The following CRACR2A variants were observed in gnomAD, a reference collection of about 807,000 sequenced individuals.
The protein encoded by CRACR2A is calcium release activated channel regulator 2A.
In CRACR2A, 79 loss-of-function variants were observed where a neutral mutation model predicts 90.5. The ratio of observed to expected loss-of-function variants is 0.87; its 90% confidence interval spans 0.73 to 1.05. The LOEUF is 1.05. Among genes scored for constraint, CRACR2A ranks in the 50% least tolerant of loss-of-function variants. CRACR2A has a pLI of 0.00. For synonymous variants in CRACR2A, 338 were observed against 356.7 expected (o/e 0.95, Z 0.59); for missense variants, 823 against 897.2 (o/e 0.92, Z 1.06).
chr12:3,666,786 C>G (rs1945159356), intron 7 of CRACR2A, among the ~76,000 whole-genome samples: 1 of 152,252 alleles, frequency 6.6e-6, no homozygotes, highest in African/African-American at 2.4e-5. Flanking sequence ...TTTGTCCTCC[C>G]TTTTAAATAA....
chr12:3,619,272 G>C lies in CRACR2A; in HGVS notation c.2033C>G (p.Thr678Arg), dbSNP rs748462070. Residue 678 changes from threonine to arginine, a missense_variant and splice_region_variant, in exon 18 of 20, where the codon ACG becomes AGG. Physicochemically the swap from Thr to Arg is moderately conservative, Grantham distance 71 (BLOSUM62 -1). Coordinates refer to ENST00000440314, the MANE Select transcript of CRACR2A (RefSeq NM_001144958.2). ...GAGATGGAAATGCTTGCTCTTTACC[G>C]TGGCAAGCTGCTCTCCGAGGCCCCG... is the stretch of plus-strand genomic sequence containing the variant. ...VPRGLGEQLA[T>R]ENNLIFYECS... 2 of 1,550,492 alleles carry C rather than the reference G, an allele frequency of 1.3e-6. No homozygotes were observed. Among genetic ancestry groups the C allele is most frequent in the Non-Finnish European group, 1.7e-6 (2 of 1,145,992 alleles).
chr12:3,682,374 A>G (rs1197175219), intron 4 of CRACR2A, among the ~76,000 whole-genome samples: 2 of 152,194 alleles, frequency 1.3e-5, no homozygotes, highest in African/African-American at 4.8e-5. Context: ...AGGAGAGGCT[A>G]GTTCACAGCT....
At chr12:3,657,716 C>T (rs1944940928) in intron 8 of CRACR2A, among the ~76,000 whole-genome samples, 1 of 152,308 alleles carries the variant, frequency 6.6e-6, no homozygotes, top group African/African-American at 2.4e-5. Context: ...TTGGCTGCTG[C>T]TCTCTGTGAA....
At chr12:3,639,806 C>T (rs988606120) in intron 13 of CRACR2A, among the ~76,000 whole-genome samples, 1 of 152,036 alleles carries the variant, frequency 6.6e-6, no homozygotes, top group Non-Finnish European at 1.5e-5. Context: ...AATTAAAGCA[C>T]CTTTCCTTTG....
intron 2 of CRACR2A, among the ~76,000 whole-genome samples, chr12:3,721,607 G>A (rs1946177400): frequency 6.8e-6 from 1 of 146,814 alleles, no homozygotes; most frequent in Non-Finnish European, 1.5e-5. Flanking sequence ...AAAAAAGTGA[G>A]TGAAACGTTA....
At chr12:3,623,645 G>C (rs906499846) in intron 17 of CRACR2A, among the ~76,000 whole-genome samples, 95 of 152,202 alleles carry the variant, frequency 6.2e-4, no homozygotes, top group African/African-American at 2.2e-3. Context: ...ATAAGAAATT[G>C]GGGGTGGGTT....
chr12:3,739,852 T>C (rs1197653442), intron 1 of CRACR2A, among the ~76,000 whole-genome samples: 1 of 151,246 alleles, frequency 6.6e-6, no homozygotes, highest in Non-Finnish European at 1.5e-5. Context: ...GAGAATCGCT[T>C]GAACCAGGGA....
intron 8 of CRACR2A, among the ~76,000 whole-genome samples, chr12:3,658,577 G>C (rs1457056667): frequency 6.6e-6 from 1 of 152,194 alleles, no homozygotes; most frequent in African/African-American, 2.4e-5. Context: ...GACACGACCA[G>C]ATTTTCTTGA....
chr12:3,687,553 T>G (rs1945582293), intron 4 of CRACR2A, among the ~76,000 whole-genome samples: 1 of 152,242 alleles, frequency 6.6e-6, no homozygotes, highest in Non-Finnish European at 1.5e-5. Flanking sequence ...CTGCATAGTA[T>G]TCCATGGTGT....
chr12:3,748,780 A>C (rs574525713), intron 1 of CRACR2A, among the ~76,000 whole-genome samples: 20 of 152,344 alleles, frequency 1.3e-4, no homozygotes, highest in Admixed American at 2.6e-4. Flanking sequence ...GAGCCTGTAG[A>C]GGACAAACCT....
intron 17 of CRACR2A, among the ~76,000 whole-genome samples, chr12:3,626,413 G>A (rs1401756508): frequency 6.6e-6 from 1 of 152,242 alleles, no homozygotes; most frequent in Non-Finnish European, 1.5e-5. Context: ...AGGCAGCACG[G>A]AGTCCAGTGG....
chr12:3,661,906 C>T (rs188592888), intron 7 of CRACR2A, among the ~76,000 whole-genome samples: 2 of 152,196 alleles, frequency 1.3e-5, no homozygotes, highest in Non-Finnish European at 2.9e-5. Context: ...TTCTAATAAC[C>T]ATGCGGGGCA....
intron 4 of CRACR2A, among the ~76,000 whole-genome samples, chr12:3,681,634 G>T (rs1330815147): frequency 6.6e-6 from 1 of 152,230 alleles, no homozygotes; most frequent in Non-Finnish European, 1.5e-5. Context: ...AGCGGTAACC[G>T]TGCGAAATTG....
chr12:3,625,644 C>G (rs1353182669), intron 17 of CRACR2A, among the ~76,000 whole-genome samples: 1 of 148,650 alleles, frequency 6.7e-6, no homozygotes, highest in Non-Finnish European at 1.5e-5. Flanking sequence ...AAGGGAAACT[C>G]TTTTGTCTAA....
chr12:3,641,084 A>G (rs1302139870), intron 13 of CRACR2A, among the ~76,000 whole-genome samples: 1 of 152,134 alleles, frequency 6.6e-6, no homozygotes, highest in Non-Finnish European at 1.5e-5. Flanking sequence ...GGTGGCTCAC[A>G]CCTGTAATCC....
At chr12:3,706,652 G>A (rs1284086769) in intron 3 of CRACR2A, among the ~76,000 whole-genome samples, 1 of 152,220 alleles carries the variant, frequency 6.6e-6, no homozygotes, top group Non-Finnish European at 1.5e-5. Context: ...CCGGGCTGAA[G>A]TGCAGTGGCA....
chr12:3,616,705 G>A (rs570360198), intron 19 of CRACR2A, among the ~76,000 whole-genome samples: 1 of 152,346 alleles, frequency 6.6e-6, no homozygotes, highest in Non-Finnish European at 1.5e-5. Flanking sequence ...AGACTAAGAA[G>A]AAGACTGCAA....
chr12:3,672,581 A>G (rs1945264601), intron 7 of CRACR2A: 2 of 208,014 alleles, frequency 9.6e-6, no homozygotes, highest in Admixed American at 6.5e-5. Flanking sequence ...CCCTAGTCAT[A>G]CCACATCTAA....
chr12:3,722,090 ACATTT>A (rs1341312593), intron 2 of CRACR2A, among the ~76,000 whole-genome samples: 2 of 152,164 alleles, frequency 1.3e-5, no homozygotes, highest in Non-Finnish European at 2.9e-5. Context: ...CTACCCCCAT[ACATTT>A]TTAGCTCCCT....
Sources: allele counts gnomAD v4.1 joint callset (sites outside exome capture counted in the v4.1 genomes callset), GRCh38; gene constraint gnomAD v4.1.1; transcripts MANE v1.5; gene names NCBI Gene and HGNC (gene_info 2026-07-23, HGNC 2026-07-21).